Variants in PLEKHG1 observed in about 807,000 individuals in gnomAD.
The protein encoded by PLEKHG1 is pleckstrin homology domain-containing family G member 1.
In PLEKHG1, 44 loss-of-function variants were observed where a neutral mutation model predicts 100.8. The observed-to-expected ratio is 0.44, with a 90% CI of 0.34 to 0.56. PLEKHG1 has a LOEUF of 0.56. PLEKHG1 is among the 20% of genes least tolerant of loss of function. The pLI is 0.01. For synonymous variants in PLEKHG1, 640 were observed against 662.5 expected, an observed-to-expected ratio of 0.97 and a Z score of 0.52; for missense variants, 1,545 against 1,720.9, an observed-to-expected ratio of 0.90 and a Z score of 1.81.
At chr6:150,826,541 A>G (rs1276279413) in intron 14 of PLEKHG1, among the ~76,000 whole-genome samples, 1 of 152,236 alleles carries the variant, frequency 6.6e-6, no homozygotes, top group Non-Finnish European at 1.5e-5. Context: ...AAGTTCATTC[A>G]GGCTGTGGCA....
chr6:150,606,314 G>C (rs1776595506), intron 1 of PLEKHG1, among the ~76,000 whole-genome samples: 1 of 152,278 alleles, frequency 6.6e-6, no homozygotes, highest in African/African-American at 2.4e-5. Flanking sequence ...GGCAACAAAG[G>C]CATTAGCTCC....
chr6:150,649,969 G>A (rs1284907956), intron 2 of PLEKHG1, among the ~76,000 whole-genome samples: 6 of 151,364 alleles, frequency 4.0e-5, no homozygotes, highest in Admixed American at 1.3e-4. Context: ...CCGAGATGGC[G>A]CCACTGCACT....
At chr6:150,765,960 G>A (rs1784434924) in intron 2 of PLEKHG1, among the ~76,000 whole-genome samples, 1 of 152,154 alleles carries the variant, frequency 6.6e-6, no homozygotes, top group Non-Finnish European at 1.5e-5. Context: ...ATAGGACCAA[G>A]TCAGATCTAC....
At chr6:150,804,474 C>A in intron 6 of PLEKHG1, 136 bp from the exon 8 acceptor site, 1 of 666,906 alleles carries the variant, frequency 1.5e-6, no homozygotes, top group Non-Finnish European at 2.3e-6. Context: ...CATGAGCCAC[C>A]GCACCCAGCT....
chr6:150,600,758 C>G lies in PLEKHG1; in HGVS notation c.-204+741C>G, dbSNP rs777426332. ...CCTTTTGTGTCCTCGCGGTGAGCCC[C>G]GTTCCGAAGCCGGAAGCTTGGGAAC... On this transcript the variant is annotated intron_variant, in intron 1 of 3. Transcript: ENST00000367326. This position sits in a 1 kb window ranked among gnomAD's most constrained non-coding sequence, Gnocchi z 6.2. 3.3e-5 allele frequency: 5 copies of G among 152,296 alleles called. No individual in the cohort carries two copies. Among genetic ancestry groups the G allele is most frequent in the East Asian group, 1.9e-4 (1 of 5,198 alleles). The allele number at this position is 152,296 out of a possible 1,614,324, so 9.4% of individuals were successfully genotyped here. A position where few individuals can be genotyped will look rare whatever the true frequency, so the allele number is the denominator to read the frequency against.
At chr6:150,625,659 A>AT (rs1264884242) in intron 1 of PLEKHG1, 13 of 151,740 alleles carry the variant, frequency 8.6e-5, no homozygotes, top group African/African-American at 2.9e-4. Flanking sequence ...TGCCTGGCTA[A>AT]TTTTTTGTAT....
rs116743770 is a variant in PLEKHG1 at position 150,667,118 on chromosome 6, A to G, written c.-99+16332A>G. On this transcript the variant is annotated intron_variant, in intron 3 of 3. Transcript: ENST00000367326. ...TGTGTGTGTTTGTGTGTGTGTGTAC[A>G]ATGCTTAGGGATGCCAAGCTATTTA... is the stretch of plus-strand genomic sequence containing the variant. Among the ~76,000 whole-genome samples, 1,017 of 152,154 alleles carry G rather than the reference A, an allele frequency of 6.7e-3. 12 individuals carry two copies. Among genetic ancestry groups the G allele is most frequent in the African/African-American group, 0.023 (962 of 41,496 alleles).
At chr6:150,608,834 C>A (rs553179427) in intron 1 of PLEKHG1, among the ~76,000 whole-genome samples, 1 of 152,156 alleles carries the variant, frequency 6.6e-6, no homozygotes, top group Non-Finnish European at 1.5e-5. Flanking sequence ...TTGGAAGTTA[C>A]TTGAAAATGC....
chr6:150,640,109 C>A (rs1778189932), intron 2 of PLEKHG1, among the ~76,000 whole-genome samples: 1 of 152,252 alleles, frequency 6.6e-6, no homozygotes, highest in Admixed American at 6.5e-5. Flanking sequence ...CCCATCTGGC[C>A]CTACCTGCTG....
intron 3 of PLEKHG1, among the ~76,000 whole-genome samples, chr6:150,769,424 A>G (rs2128640107): frequency 6.6e-6 from 1 of 152,026 alleles, no homozygotes; most frequent in East Asian, 1.9e-4. Flanking sequence ...TCTACTAAAA[A>G]TACAAAAATT....
At chr6:150,840,990 C>A (rs187463111) in exon 16 of PLEKHG1, 5 of 978,846 alleles carry the variant, frequency 5.1e-6, no homozygotes, top group Non-Finnish European at 6.5e-6. Flanking sequence ...CAGATTAAAA[C>A]AATTTTGTAA....
chr6:150,697,281 C>G (rs527807385), intron 3 of PLEKHG1, among the ~76,000 whole-genome samples: 1 of 152,268 alleles, frequency 6.6e-6, no homozygotes, highest in African/African-American at 2.4e-5. Flanking sequence ...GGTAAAGTTT[C>G]CACTGCTGAG....
intron 7 of PLEKHG1, among the ~76,000 whole-genome samples, chr6:150,806,846 A>G (rs1349601363): frequency 1.3e-5 from 2 of 151,714 alleles, no homozygotes; most frequent in African/African-American, 4.9e-5. Context: ...AAAAAAAAAA[A>G]AAAAATGAAA....
chr6:150,720,012 G>A (rs1781601762), upstream of PLEKHG1, among the ~76,000 whole-genome samples: 1 of 152,158 alleles, frequency 6.6e-6, no homozygotes, highest in Non-Finnish European at 1.5e-5. Context: ...GACAGAAATA[G>A]CTATGTTAAG....
intron 2 of PLEKHG1, among the ~76,000 whole-genome samples, chr6:150,761,251 A>G (rs966252848): frequency 4.7e-5 from 7 of 149,904 alleles, no homozygotes; most frequent in African/African-American, 1.2e-4. Flanking sequence ...GACTACAGGG[A>G]TGCGCCACCA....
At chr6:150,761,444 A>G (rs1423917643) in intron 2 of PLEKHG1, among the ~76,000 whole-genome samples, 2 of 152,056 alleles carry the variant, frequency 1.3e-5, no homozygotes, top group Non-Finnish European at 2.9e-5. Context: ...AGTAGCTGAT[A>G]TTACAGGCCT....
chr6:150,727,301 G>A (rs1355097464), intron 1 of PLEKHG1, among the ~76,000 whole-genome samples: 1 of 152,108 alleles, frequency 6.6e-6, no homozygotes, highest in Non-Finnish European at 1.5e-5. Flanking sequence ...TAGGTTGTAG[G>A]ACCCATCAGA....
chr6:150,697,934 TTTTTG>T (rs200840003), intron 3 of PLEKHG1, among the ~76,000 whole-genome samples: 10,495 of 88,106 alleles, frequency 0.12, 440 homozygotes, highest in South Asian at 0.26. Flanking sequence ...TGTTTTTTTT[TTTTTG>T]TTGTTGGGTT....
intron 1 of PLEKHG1, among the ~76,000 whole-genome samples, chr6:150,617,097 G>A (rs2128555520): frequency 6.6e-6 from 1 of 152,168 alleles, no homozygotes; most frequent in East Asian, 1.9e-4. Flanking sequence ...GAATTTTCTT[G>A]CATTGCATAT....
Sources: gnomAD v4.1 joint callset for allele counts (sites outside exome capture counted in the v4.1 genomes callset) on GRCh38, gnomAD v4.1.1 for gene constraint, Gnocchi (gnomAD v3.1) non-coding constraint, MANE v1.5 for transcripts, NCBI Gene and HGNC (gene_info 2026-07-23, HGNC 2026-07-21) for gene names.